ESCO1: variants seen among roughly 807,000 people sequenced by gnomAD.
ESCO1 encodes the protein N-acetyltransferase ESCO1.
ESCO1 carries 33 observed loss-of-function variants against 83.5 expected under a neutral mutation model. The observed-to-expected ratio is 0.40, with a 90% CI of 0.30 to 0.53. The LOEUF (loss-of-function observed/expected upper bound fraction) is 0.53, where lower values mean the gene tolerates loss of function less well. ESCO1 is among the 20% of genes least tolerant of loss of function. ESCO1 has a pLI of 0.63. For missense variants in ESCO1, 855 were observed against 968.0 expected, an observed-to-expected ratio of 0.88 and a Z score of 1.55; for synonymous variants, 332 against 324.3, an observed-to-expected ratio of 1.02 and a Z score of -0.25.
chr18:21,574,089 G>A lies in ESCO1; in HGVS notation c.755C>T (p.Ala252Val). Residue 252 changes from alanine to valine, a missense_variant, in exon 4 of 12, where the codon GCT (alanine) becomes GTT (valine). This residue lies in a region of ESCO1 where 726 missense variants were observed against 699.5 expected (regional missense o/e 1.04). Coordinates refer to ENST00000269214, the MANE Select transcript of ESCO1 (RefSeq NM_052911.3). Reference sequence around the variant, plus strand: ...ATTCTTTTTCGGGACCACTGAAGTAGCCATTTTTGATCTTTTCACCTCAGA... The same window carrying A: ...ATTCTTTTTCGGGACCACTGAAGTAACCATTTTTGATCTTTTCACCTCAGA... ...VTSEVKRSKM[A>V]TSVVPKKNEM... The A allele has an allele frequency of 6.2e-7, 1 of 1,612,896 alleles. No homozygotes were observed. Among genetic ancestry groups the A allele is most frequent in the Non-Finnish European group, 8.5e-7 (1 of 1,180,004 alleles).
intron 4 of ESCO1, among the ~76,000 whole-genome samples, chr18:21,573,111 A>G (rs1290652862): frequency 1.3e-5 from 2 of 152,194 alleles, no homozygotes; most frequent in Non-Finnish European, 2.9e-5. Flanking sequence ...TGAGGAAACA[A>G]TGAGAAGCAC....
chr18:21,571,598 A>G (rs1031025694), intron 4 of ESCO1, among the ~76,000 whole-genome samples: 4 of 152,242 alleles, frequency 2.6e-5, no homozygotes, highest in African/African-American at 9.6e-5. Flanking sequence ...CTACATAAAC[A>G]TCTTCATTCA....
At chr18:21,531,135 A>G (rs1052320680) in intron 11 of ESCO1, among the ~76,000 whole-genome samples, 3 of 152,214 alleles carry the variant, frequency 2.0e-5, no homozygotes, top group African/African-American at 7.2e-5. Flanking sequence ...TCCATTTATA[A>G]TAACATCAAA....
chr18:21,550,368 C>T (rs1228034878), intron 8 of ESCO1, among the ~76,000 whole-genome samples: 1 of 152,156 alleles, frequency 6.6e-6, no homozygotes, highest in South Asian at 2.1e-4. Context: ...CTAAACCTTA[C>T]GACTATATGA....
At chr18:21,536,255 G>T in intron 9 of ESCO1, 70 bp from the exon 10 acceptor site, 3 of 1,491,282 alleles carry the variant, frequency 2.0e-6, no homozygotes, top group Non-Finnish European at 2.7e-6. Flanking sequence ...CACTATTTCA[G>T]TTCAGTAGAT....
chr18:21,545,917 C>T (rs180769704), intron 8 of ESCO1, among the ~76,000 whole-genome samples: 5 of 152,036 alleles, frequency 3.3e-5, no homozygotes, highest in Admixed American at 6.6e-5. Flanking sequence ...GTGACAAGAG[C>T]GAAACTCCAT....
At chr18:21,580,203 A>G (rs542459172) in intron 2 of ESCO1, among the ~76,000 whole-genome samples, 1 of 151,932 alleles carries the variant, frequency 6.6e-6, no homozygotes, top group Non-Finnish European at 1.5e-5. Context: ...CCAGCCCCCA[A>G]AAATTTTTTT....
At chr18:21,557,666 T>C (rs1181943724) in intron 8 of ESCO1, among the ~76,000 whole-genome samples, 1 of 152,152 alleles carries the variant, frequency 6.6e-6, no homozygotes, top group Non-Finnish European at 1.5e-5. Flanking sequence ...AGAAGGATAA[T>C]ACAGGAAAAA....
intron 1 of ESCO1, among the ~76,000 whole-genome samples, chr18:21,588,874 G>C (rs1392845421): frequency 1.2e-4 from 18 of 152,156 alleles, no homozygotes; most frequent in Non-Finnish European, 5.9e-5. Flanking sequence ...CTGGGCAACA[G>C]AGTGAGACTC....
At chr18:21,596,025 A>G (rs1173446308) in intron 1 of ESCO1, among the ~76,000 whole-genome samples, 1 of 151,866 alleles carries the variant, frequency 6.6e-6, no homozygotes, top group Non-Finnish European at 1.5e-5. Flanking sequence ...AATACTTGTC[A>G]CAAAGACTAT....
At chr18:21,587,927 T>C (rs2038605074) in intron 1 of ESCO1, among the ~76,000 whole-genome samples, 1 of 151,008 alleles carries the variant, frequency 6.6e-6, no homozygotes, top group Admixed American at 6.6e-5. Flanking sequence ...AACAACAAAA[T>C]AAAACACAAG....
In ESCO1 at chr18:21,536,248, T is replaced by C. The variant is rs998950635; in HGVS notation, c.2044-63A>G. Reference sequence around the variant, plus strand: ...ATATTATATACATGTAAAAACACACTATTTCAGTTCAGTAGATCAACTTTA... The same window carrying C: ...ATATTATATACATGTAAAAACACACCATTTCAGTTCAGTAGATCAACTTTA... On this transcript the variant is annotated intron_variant, in intron 9 of 11. Coordinates refer to ENST00000269214, the MANE Select transcript of ESCO1 (RefSeq NM_052911.3). 2.6e-6 allele frequency: 4 copies of C among 1,523,096 alleles called. No individual in the cohort carries two copies. The African/African-American group carries it at 4.2e-5, about 16-fold the overall frequency. 94.3% of individuals were successfully genotyped at this position (1,523,096 alleles called of 1,614,324 possible).
Position 21,540,023 on chromosome 18 carries a change from T to C in ESCO1, c.1954-14A>G, listed in dbSNP as rs1161100703. The C allele has an allele frequency of 1.3e-6, 2 of 1,551,592 alleles. No homozygotes were observed. The highest frequency in any genetic ancestry group is 2.3e-5 in the East Asian group (1 of 43,996). Reference sequence around the variant, plus strand: ...TTTCTTCCAGCCCTAGATATATATATATATATATACACACATATGTAAAGT... The same window carrying C: ...TTTCTTCCAGCCCTAGATATATATACATATATATACACACATATGTAAAGT... On this transcript the variant is annotated splice_polypyrimidine_tract_variant and intron_variant, in intron 8 of 11. Transcript: ENST00000269214.
At chr18:21,567,457 G>A (rs1020748633) in intron 5 of ESCO1, among the ~76,000 whole-genome samples, 1 of 151,560 alleles carries the variant, frequency 6.6e-6, no homozygotes, top group Admixed American at 6.6e-5. Flanking sequence ...GAGCCACCAC[G>A]ACCGGCCCAA....
chr18:21,591,738 A>G (rs192038542), intron 1 of ESCO1, among the ~76,000 whole-genome samples: 2 of 150,818 alleles, frequency 1.3e-5, no homozygotes, highest in Non-Finnish European at 2.9e-5. Context: ...GCAGGGTCAT[A>G]GGACAATAGT....
At chr18:21,581,781 G>A (rs964351273) in intron 2 of ESCO1, among the ~76,000 whole-genome samples, 6 of 152,120 alleles carry the variant, frequency 3.9e-5, no homozygotes, top group African/African-American at 1.4e-4. Context: ...CTACTTCAGA[G>A]ATGAAGCAGG....
chr18:21,583,106 C>G (rs1390716686), intron 2 of ESCO1, among the ~76,000 whole-genome samples: 1 of 152,046 alleles, frequency 6.6e-6, no homozygotes, highest in Non-Finnish European at 1.5e-5. Flanking sequence ...TGCTAGAACC[C>G]AAGAGGCAGA....
intron 4 of ESCO1, among the ~76,000 whole-genome samples, chr18:21,572,691 G>A (rs1275344285): frequency 6.6e-6 from 1 of 152,128 alleles, no homozygotes; most frequent in Non-Finnish European, 1.5e-5. Context: ...AAGGCCAGGT[G>A]CAGTGGCTCA....
intron 9 of ESCO1, among the ~76,000 whole-genome samples, chr18:21,539,321 A>C (rs1392762077): frequency 6.6e-6 from 1 of 152,138 alleles, no homozygotes; most frequent in African/African-American, 2.4e-5. Context: ...GGCATTATTC[A>C]CTTAACAGAA....
Sources: allele counts gnomAD v4.1 joint callset (sites outside exome capture counted in the v4.1 genomes callset), GRCh38; gene constraint gnomAD v4.1.1; regional missense constraint gnomAD v4.1.1; transcripts MANE v1.5; gene names NCBI Gene and HGNC (gene_info 2026-07-23, HGNC 2026-07-21).